AGBL1: variants seen among roughly 807,000 people sequenced by gnomAD.
AGBL1 encodes AGBL carboxypeptidase 1.
In AGBL1, 130 loss-of-function variants were observed where a neutral mutation model predicts 118.9. The observed-to-expected ratio is 1.09, with a 90% CI of 0.95 to 1.26. AGBL1 has a LOEUF of 1.26. Ranked by LOEUF, AGBL1 falls within the 50% of genes most tolerant of loss-of-function variation. The pLI is 0.00. For synonymous variants in AGBL1, 555 were observed against 478.9 expected (o/e 1.16, Z -2.08); for missense variants, 1,584 against 1,298.1 (o/e 1.22, Z -3.38).
At chr15:86,581,269 A>G (rs192407606) in intron 21 of AGBL1, among the ~76,000 whole-genome samples, 81 of 152,280 alleles carry the variant, frequency 5.3e-4, no homozygotes, top group African/African-American at 1.9e-3. Context: ...AAAGGAAGGC[A>G]AATTAGGAAT....
intron 3 of AGBL1, among the ~76,000 whole-genome samples, chr15:86,147,624 C>T (rs2077050590): frequency 6.6e-6 from 1 of 152,198 alleles, no homozygotes; most frequent in Non-Finnish European, 1.5e-5. Context: ...CTGGGTAGAG[C>T]CCACCATAGC....
intron 7 of AGBL1, among the ~76,000 whole-genome samples, chr15:86,248,969 G>C (rs994249278): frequency 6.6e-6 from 1 of 152,166 alleles, no homozygotes; most frequent in Admixed American, 6.5e-5. Flanking sequence ...CAGAGGAAGA[G>C]CATCCCAGGG....
chr15:86,480,690 C>T (rs1426672109), intron 18 of AGBL1, among the ~76,000 whole-genome samples: 1 of 151,886 alleles, frequency 6.6e-6, no homozygotes, highest in Non-Finnish European at 1.5e-5. Context: ...GTAATATATA[C>T]TGTCATACAG....
At chr15:86,351,214 G>T (rs1208435361) in intron 17 of AGBL1, among the ~76,000 whole-genome samples, 1 of 152,144 alleles carries the variant, frequency 6.6e-6, no homozygotes, top group African/African-American at 2.4e-5. Context: ...TCCCATGGTG[G>T]AAGGACAAAG....
At chr15:86,599,730 T>C (rs1231605925) in intron 21 of AGBL1, among the ~76,000 whole-genome samples, 2 of 152,148 alleles carry the variant, frequency 1.3e-5, no homozygotes, top group Non-Finnish European at 2.9e-5. Flanking sequence ...ATTCCCCGAT[T>C]CCTCAGATGG....
intron 17 of AGBL1, among the ~76,000 whole-genome samples, chr15:86,327,914 C>T (rs2080208789): frequency 6.6e-6 from 1 of 151,996 alleles, no homozygotes; most frequent in South Asian, 2.1e-4. Flanking sequence ...TTGCTCCAGG[C>T]AGTGTGTTTT....
At chr15:86,792,701 G>C (rs768408329) in intron 22 of AGBL1, among the ~76,000 whole-genome samples, 2 of 152,026 alleles carry the variant, frequency 1.3e-5, no homozygotes, top group African/African-American at 2.4e-5. Context: ...CAGCACTTTG[G>C]GAGGCCGAGA....
intron 21 of AGBL1, among the ~76,000 whole-genome samples, chr15:86,618,337 C>T (rs1480186085): frequency 6.6e-6 from 1 of 152,156 alleles, no homozygotes; most frequent in Non-Finnish European, 1.5e-5. Context: ...AAAGACCTCT[C>T]CCCACTTTAG....
chr15:86,146,309 G>C (rs1175430081), intron 3 of AGBL1, among the ~76,000 whole-genome samples: 1 of 152,152 alleles, frequency 6.6e-6, no homozygotes. Flanking sequence ...GTTTAACAAT[G>C]ATTTACATAG....
At chr15:86,549,850 G>C (rs986218115) in intron 20 of AGBL1, among the ~76,000 whole-genome samples, 3 of 144,208 alleles carry the variant, frequency 2.1e-5, no homozygotes, top group African/African-American at 7.6e-5. Context: ...AAAGAGGACA[G>C]GAGAGGAGGG....
At chr15:86,258,393 G>A (rs1329527786) in intron 9 of AGBL1, among the ~76,000 whole-genome samples, 1 of 152,156 alleles carries the variant, frequency 6.6e-6, no homozygotes, top group Non-Finnish European at 1.5e-5. Flanking sequence ...TTCTGCCTTT[G>A]TAAGTCACTC....
intron 18 of AGBL1, among the ~76,000 whole-genome samples, chr15:86,422,879 C>T (rs1320889797): frequency 3.9e-5 from 6 of 152,158 alleles, no homozygotes; most frequent in Admixed American, 2.0e-4. Flanking sequence ...CATACACACT[C>T]CCAAGATTAA....
chr15:86,331,053 G>A (rs1035269511), intron 17 of AGBL1, among the ~76,000 whole-genome samples: 2 of 151,954 alleles, frequency 1.3e-5, no homozygotes, highest in South Asian at 2.1e-4. Flanking sequence ...GTGAAACCCT[G>A]TCTCTAGTAA....
intron 22 of AGBL1, among the ~76,000 whole-genome samples, chr15:86,788,122 C>T (rs1285083979): frequency 2.0e-5 from 3 of 152,152 alleles, no homozygotes; most frequent in Non-Finnish European, 2.9e-5. Flanking sequence ...AGAACAGGAT[C>T]TAGAAGTTGA....
chr15:86,318,138 G>C (rs1281817058), intron 17 of AGBL1, among the ~76,000 whole-genome samples: 1 of 152,164 alleles, frequency 6.6e-6, no homozygotes, highest in East Asian at 1.9e-4. Context: ...GACAGCTTGG[G>C]CAAACCATTT....
At chr15:87,006,483 C>T (rs1376976466) in intron 24 of AGBL1, among the ~76,000 whole-genome samples, 1 of 152,192 alleles carries the variant, frequency 6.6e-6, no homozygotes, top group Non-Finnish European at 1.5e-5. Flanking sequence ...GCATGGTACC[C>T]TCCGAGCCAG....
chr15:86,849,655 G>A (rs1265754128), intron 22 of AGBL1, among the ~76,000 whole-genome samples: 1 of 152,078 alleles, frequency 6.6e-6, no homozygotes, highest in African/African-American at 2.4e-5. Flanking sequence ...AATAGAGAGA[G>A]TAGCAGCTCT....
At chr15:86,956,925 TAA>T (rs2080937322) in intron 23 of AGBL1, among the ~76,000 whole-genome samples, 1 of 152,132 alleles carries the variant, frequency 6.6e-6, no homozygotes, top group East Asian at 1.9e-4. Flanking sequence ...TCTATGCACA[TAA>T]GTGTGTATAC....
At chr15:86,649,648 A>G (rs747706144) in intron 21 of AGBL1, among the ~76,000 whole-genome samples, 3 of 151,994 alleles carry the variant, frequency 2.0e-5, no homozygotes, top group Non-Finnish European at 4.4e-5. Context: ...TTACTTTCAT[A>G]ATTGATACCT....
Sources: gnomAD v4.1 joint callset for allele counts (sites outside exome capture counted in the v4.1 genomes callset) on GRCh38, gnomAD v4.1.1 for gene constraint, MANE v1.5 for transcripts, NCBI Gene and HGNC (gene_info 2026-07-23, HGNC 2026-07-21) for gene names.